TMEM108: variants seen among roughly 807,000 people sequenced by gnomAD.
TMEM108 encodes the protein cancer/testis antigen 124.
Under a neutral mutation model 35.1 loss-of-function variants are expected in TMEM108, and 12 were observed. That is an observed-to-expected ratio of 0.34 (90% CI 0.22 to 0.55). The LOEUF is 0.55. Ranked by LOEUF, TMEM108 falls within the 20% of genes least tolerant of loss-of-function variation. The probability of loss-of-function intolerance (pLI) is 0.89; values close to 1 mark genes in which losing one functional copy is unlikely to be tolerated. For missense variants in TMEM108, 680 were observed against 753.3 expected, an observed-to-expected ratio of 0.90 and a Z score of 1.14; for synonymous variants, 287 against 308.6, an observed-to-expected ratio of 0.93 and a Z score of 0.73.
intron 3 of TMEM108, among the ~76,000 whole-genome samples, chr3:133,323,199 C>T (rs113626650): frequency 5.9e-5 from 9 of 152,142 alleles, no homozygotes; most frequent in African/African-American, 1.7e-4. Context: ...GCATCCAAAT[C>T]GGTAAAGAGT....
intron 3 of TMEM108, among the ~76,000 whole-genome samples, chr3:133,259,446 C>A (rs1450408525): frequency 6.6e-6 from 1 of 152,178 alleles, no homozygotes; most frequent in Non-Finnish European, 1.5e-5. Flanking sequence ...GTGCATGCCC[C>A]ACTGCTTTCG....
intron 3 of TMEM108, among the ~76,000 whole-genome samples, chr3:133,276,729 G>A (rs1946843700): frequency 6.6e-6 from 1 of 152,290 alleles, no homozygotes; most frequent in South Asian, 2.1e-4. Context: ...AAATGCCTCA[G>A]AAATTAAGAG....
intron 3 of TMEM108, among the ~76,000 whole-genome samples, chr3:133,239,229 G>A (rs1946279770): frequency 6.6e-6 from 1 of 152,174 alleles, no homozygotes; most frequent in Admixed American, 6.5e-5. Flanking sequence ...GCGTAGACCA[G>A]TTCATCAGCC....
At chr3:133,358,217 G>T (rs770014242) in intron 3 of TMEM108, among the ~76,000 whole-genome samples, 1 of 151,172 alleles carries the variant, frequency 6.6e-6, no homozygotes, top group African/African-American at 2.4e-5. Context: ...TGTCACCCAG[G>T]CTGGAGTGCA....
chr3:133,291,963 G>C (rs1245595003), intron 3 of TMEM108, among the ~76,000 whole-genome samples: 1 of 152,196 alleles, frequency 6.6e-6, no homozygotes, highest in African/African-American at 2.4e-5. Context: ...AGGATCTGCA[G>C]TGGTTCCCAA....
At chr3:133,360,847 A>G (rs2072326989) in intron 3 of TMEM108, among the ~76,000 whole-genome samples, 1 of 152,224 alleles carries the variant, frequency 6.6e-6, no homozygotes. Context: ...AACCAACTGG[A>G]CTTCAAGGTA....
intron 3 of TMEM108, among the ~76,000 whole-genome samples, chr3:133,242,700 G>T (rs116772467): frequency 1.3e-5 from 2 of 152,222 alleles, no homozygotes; most frequent in Non-Finnish European, 2.9e-5. Context: ...TGATTGTTCC[G>T]TGTTTGATGA....
At chr3:133,156,594 C>T (rs1185994614) in intron 2 of TMEM108, among the ~76,000 whole-genome samples, 1 of 152,126 alleles carries the variant, frequency 6.6e-6, no homozygotes, top group Non-Finnish European at 1.5e-5. Context: ...GCAGATAGAA[C>T]CCAAACTACA....
intron 2 of TMEM108, among the ~76,000 whole-genome samples, chr3:133,196,292 A>G (rs1036641723): frequency 1.3e-5 from 2 of 152,202 alleles, no homozygotes; most frequent in Non-Finnish European, 2.9e-5. Flanking sequence ...ATACCAAGAT[A>G]TTTTGAATAG....
At chr3:133,290,738 T>C (rs1947051498) in intron 3 of TMEM108, among the ~76,000 whole-genome samples, 1 of 152,066 alleles carries the variant, frequency 6.6e-6, no homozygotes, top group African/African-American at 2.4e-5. Flanking sequence ...GATAGAGTGA[T>C]TAATGAAAAA....
chr3:133,272,312 T>TGTGTGTGTG (rs1553755045), intron 3 of TMEM108, among the ~76,000 whole-genome samples: 13 of 141,812 alleles, frequency 9.2e-5, no homozygotes, highest in South Asian at 2.3e-4. Flanking sequence ...TGTGTGTGTG[T>TGTGTGTGTG]TTCCTAAAGG....
intron 2 of TMEM108, among the ~76,000 whole-genome samples, chr3:133,184,558 T>C (rs756680863): frequency 3.3e-5 from 5 of 152,218 alleles, no homozygotes; most frequent in South Asian, 2.1e-4. Flanking sequence ...ATTGAAAGTG[T>C]TGTTAAAGAA....
intron 2 of TMEM108, among the ~76,000 whole-genome samples, chr3:133,102,426 G>T (rs1293037689): frequency 6.6e-6 from 1 of 152,154 alleles, no homozygotes; most frequent in Admixed American, 6.5e-5. Context: ...AGTTACTGCA[G>T]GAAGTTTTCT....
At chr3:133,083,858 G>A (rs867366863) in intron 2 of TMEM108, among the ~76,000 whole-genome samples, 138 of 149,586 alleles carry the variant, frequency 9.2e-4, no homozygotes, top group African/African-American at 3.2e-3. Flanking sequence ...CTCCATAGGG[G>A]CTAGTCCTGA....
At chr3:133,338,072 C>A (rs2071550198) in intron 3 of TMEM108, among the ~76,000 whole-genome samples, 1 of 152,042 alleles carries the variant, frequency 6.6e-6, no homozygotes, top group Non-Finnish European at 1.5e-5. Flanking sequence ...AAAATACCCT[C>A]AAATGGGCAA....
intron 3 of TMEM108, 117 bp from the exon 4 acceptor site, chr3:133,379,635 G>A: frequency 9.8e-7 from 1 of 1,022,340 alleles, no homozygotes; most frequent in Non-Finnish European, 1.5e-6. Flanking sequence ...TGTGGGCTCA[G>A]GAATGCTCCT....
intron 3 of TMEM108, among the ~76,000 whole-genome samples, chr3:133,292,290 T>A (rs895238713): frequency 2.0e-5 from 3 of 152,216 alleles, no homozygotes; most frequent in African/African-American, 7.2e-5. Flanking sequence ...AGAAGTTGTT[T>A]TATAAATATC....
At chr3:133,107,996 C>T (rs2107721733) in intron 2 of TMEM108, among the ~76,000 whole-genome samples, 1 of 152,240 alleles carries the variant, frequency 6.6e-6, no homozygotes, top group East Asian at 1.9e-4. Flanking sequence ...CTTTGGGAGG[C>T]CAAGATGGGT....
At chr3:133,329,088 G>A (rs758866370) in intron 3 of TMEM108, among the ~76,000 whole-genome samples, 13 of 151,404 alleles carry the variant, frequency 8.6e-5, no homozygotes, top group Non-Finnish European at 1.9e-4. Flanking sequence ...GTGATGTCTG[G>A]AATATAGTAA....
Sources: allele counts gnomAD v4.1 joint callset (sites outside exome capture counted in the v4.1 genomes callset), GRCh38; gene constraint gnomAD v4.1.1; transcripts MANE v1.5; gene names NCBI Gene and HGNC (gene_info 2026-07-23, HGNC 2026-07-21).